The following PLCH1 variants were observed in gnomAD, a reference collection of about 807,000 sequenced individuals.
PLCH1 encodes the protein 1-phosphatidylinositol 4,5-bisphosphate phosphodiesterase eta-1.
In PLCH1, 60 loss-of-function variants were observed where a neutral mutation model predicts 126.7. The observed-to-expected ratio is 0.47, with a 90% CI of 0.38 to 0.59. PLCH1 has a LOEUF of 0.59. Ranked by LOEUF, PLCH1 falls within the 20% of genes least tolerant of loss-of-function variation. PLCH1 has a pLI of 0.00. For missense variants in PLCH1, 1,723 were observed against 2,040.0 expected, an observed-to-expected ratio of 0.84 and a Z score of 2.99; for synonymous variants, 719 against 734.9, an observed-to-expected ratio of 0.98 and a Z score of 0.35.
chr3:155,604,644 T>G (rs777877592), intron 2 of PLCH1, among the ~76,000 whole-genome samples: 4 of 152,226 alleles, frequency 2.6e-5, no homozygotes, highest in Non-Finnish European at 4.4e-5. Context: ...TAATGATGTC[T>G]ATTTTATGTG....
chr3:155,538,210 T>A (rs185563827), intron 10 of PLCH1, among the ~76,000 whole-genome samples: 3 of 152,064 alleles, frequency 2.0e-5, no homozygotes, highest in Admixed American at 6.6e-5. Flanking sequence ...ACGATAATAG[T>A]GACACAACCT....
chr3:155,710,074 G>A (rs1166430995), intron 1 of PLCH1, among the ~76,000 whole-genome samples: 4 of 152,160 alleles, frequency 2.6e-5, no homozygotes, highest in South Asian at 2.1e-4. Flanking sequence ...TGCAGCCTCC[G>A]TCTCCCAGGT....
chr3:155,734,833 C>T (rs995649001), intron 1 of PLCH1, among the ~76,000 whole-genome samples: 2 of 151,968 alleles, frequency 1.3e-5, no homozygotes, highest in East Asian at 3.9e-4. Context: ...CTCAGCCTCC[C>T]CAGTAGCTGG....
intron 2 of PLCH1, among the ~76,000 whole-genome samples, chr3:155,621,014 C>G (rs1030061817): frequency 6.6e-6 from 1 of 152,194 alleles, no homozygotes; most frequent in Non-Finnish European, 1.5e-5. Context: ...CAGGATAGCC[C>G]TGGCTCGCAT....
chr3:155,539,211 A>G (rs1222706599), intron 10 of PLCH1, among the ~76,000 whole-genome samples: 2 of 152,222 alleles, frequency 1.3e-5, no homozygotes, highest in Non-Finnish European at 1.5e-5. Flanking sequence ...GCATCTCTTT[A>G]TGATTAAAAC....
At chr3:155,710,639 C>T (rs1747040376) in intron 1 of PLCH1, among the ~76,000 whole-genome samples, 3 of 152,022 alleles carry the variant, frequency 2.0e-5, no homozygotes, top group Admixed American at 2.0e-4. Context: ...TTGAGACCAG[C>T]CTGGTCAACA....
intron 2 of PLCH1, among the ~76,000 whole-genome samples, chr3:155,638,242 TG>T (rs1445429940): frequency 1.3e-5 from 2 of 152,234 alleles, no homozygotes; most frequent in Admixed American, 1.3e-4. Context: ...GTTTACCTAA[TG>T]GTCTCTTTGG....
chr3:155,727,746 A>G (rs763901327), intron 1 of PLCH1, among the ~76,000 whole-genome samples: 22 of 152,162 alleles, frequency 1.4e-4, no homozygotes, highest in Admixed American at 5.9e-4. Flanking sequence ...CTTCATAGGT[A>G]TTGTAAATTC....
chr3:155,526,482 T>TA (rs1721949150), intron 10 of PLCH1, among the ~76,000 whole-genome samples: 1 of 92,932 alleles, frequency 1.1e-5, no homozygotes, highest in Non-Finnish European at 2.3e-5. Flanking sequence ...TCTTTCTCTC[T>TA]CTCTCATACA....
intron 21 of PLCH1, among the ~76,000 whole-genome samples, chr3:155,466,069 T>C (rs1317006913): frequency 7.2e-5 from 11 of 152,290 alleles, no homozygotes; most frequent in Non-Finnish European, 1.3e-4. Context: ...TTCACCGCCC[T>C]GAAAGGTGGG....
chr3:155,458,286 G>A (rs1712512948), intron 21 of PLCH1, among the ~76,000 whole-genome samples: 1 of 146,776 alleles, frequency 6.8e-6, no homozygotes, highest in South Asian at 2.2e-4. Flanking sequence ...AGGTTGCCGT[G>A]AGCCAAGATT....
rs199709331 is a variant in PLCH1 at position 155,481,172 on chromosome 3, C to T, written c.4854G>A (p.Val1618=). 1.2e-6 allele frequency: 2 copies of T among 1,614,228 alleles called. No individual in the cohort carries two copies. Among genetic ancestry groups the T allele is most frequent in the Non-Finnish European group, 1.7e-6 (2 of 1,180,036 alleles). The change falls in exon 23 of 23, where the codon GTG becomes GTA. Residue 1618 remains valine, a synonymous_variant. Coordinates refer to ENST00000460012, the MANE Select transcript of PLCH1 (RefSeq NM_014996.4). This position sits in a 1 kb window ranked among gnomAD's most constrained non-coding sequence, Gnocchi z 4.2. ...TGTAGGAGCCGGTGGAGTGGCGATTCACTGCAGGGGTGGGTGCTGAGGGTT... is the reference window on the plus strand; with the variant it reads ...TGTAGGAGCCGGTGGAGTGGCGATTTACTGCAGGGGTGGGTGCTGAGGGTT... ...RNKPSAPTPA[V]NRHSTGSYIA...
intron 21 of PLCH1, among the ~76,000 whole-genome samples, chr3:155,456,107 T>C (rs1712435766): frequency 6.6e-6 from 1 of 152,358 alleles, no homozygotes; most frequent in East Asian, 1.9e-4. Flanking sequence ...AATTCTGATG[T>C]TGACTTAAAA....
chr3:155,719,388 G>A (rs1747777445), intron 1 of PLCH1, among the ~76,000 whole-genome samples: 2 of 152,120 alleles, frequency 1.3e-5, no homozygotes, highest in Non-Finnish European at 2.9e-5. Context: ...AGGGGGAAGG[G>A]ATAGCATTAG....
At chr3:155,603,923 C>A (rs1434605554) in intron 2 of PLCH1, among the ~76,000 whole-genome samples, 2 of 151,954 alleles carry the variant, frequency 1.3e-5, no homozygotes, top group Admixed American at 1.3e-4. Context: ...CATAGGGAGA[C>A]CTGGTCTCTA....
rs915286110 is a variant in PLCH1 at position 155,461,296 on chromosome 3, C to T, written c.2938+24060G>A. Among the ~76,000 whole-genome samples, 7 of 152,000 alleles carry T rather than the reference C, an allele frequency of 4.6e-5. No individual in the cohort carries two copies. In the South Asian group the frequency reaches 6.2e-4, roughly 14 times the overall value. Reference sequence around the variant, plus strand: ...CCTAATGATTAAGGGGCCTGCAACACCAGTGAGATTTTTAGGGACCCAGAG... The same window carrying T: ...CCTAATGATTAAGGGGCCTGCAACATCAGTGAGATTTTTAGGGACCCAGAG... On this transcript the variant is annotated intron_variant, in intron 21 of 21. Coordinates refer to the PLCH1 transcript ENST00000494598.
intron 8 of PLCH1, among the ~76,000 whole-genome samples, chr3:155,563,189 T>C (rs768069801): frequency 4.6e-5 from 7 of 152,126 alleles, no homozygotes; most frequent in Non-Finnish European, 7.4e-5. Context: ...TCTTTTCCCC[T>C]TCTCTCTGTA....
At chr3:155,549,522 G>A (rs1725824380) in intron 10 of PLCH1, among the ~76,000 whole-genome samples, 1 of 152,082 alleles carries the variant, frequency 6.6e-6, no homozygotes, top group South Asian at 2.1e-4. Flanking sequence ...AACTATTACA[G>A]ACTAAAATAT....
intron 8 of PLCH1, among the ~76,000 whole-genome samples, chr3:155,556,169 A>G (rs989817932): frequency 1.3e-5 from 2 of 152,218 alleles, no homozygotes; most frequent in East Asian, 1.9e-4. Flanking sequence ...CCTGGCCAAC[A>G]TGGTGAAACC....
Sources: gnomAD v4.1 joint callset for allele counts (sites outside exome capture counted in the v4.1 genomes callset) on GRCh38, gnomAD v4.1.1 for gene constraint, Gnocchi (gnomAD v3.1) non-coding constraint, MANE v1.5 for transcripts, NCBI Gene and HGNC (gene_info 2026-07-23, HGNC 2026-07-21) for gene names.